Variants in CPAP observed in about 807,000 individuals in gnomAD.
CPAP encodes centrosome assembly and centriole elongation protein, also known as centrosomal P4.1-associated protein.
chr13:24,900,688 G>A, the CPAP span, among the ~76,000 whole-genome samples: 16 of 152,250 alleles, frequency 1.1e-4, no homozygotes, highest in African/African-American at 3.6e-4. Flanking sequence ...CCGTCCAAAC[G>A]CAGGCTGGCT....
the CPAP span, among the ~76,000 whole-genome samples, chr13:24,918,656 T>C: frequency 6.6e-6 from 1 of 152,332 alleles, no homozygotes; most frequent in Non-Finnish European, 1.5e-5. Context: ...AAATGAATCA[T>C]CATAAAGGTA....
the CPAP span, among the ~76,000 whole-genome samples, chr13:24,911,712 T>C: frequency 6.6e-6 from 1 of 151,584 alleles, no homozygotes; most frequent in Non-Finnish European, 1.5e-5. Context: ...CATTTTTTTT[T>C]TTTTTTTAAT....
At chr13:24,913,579 C>T in the CPAP span, among the ~76,000 whole-genome samples, 2 of 152,166 alleles carry the variant, frequency 1.3e-5, no homozygotes, top group Admixed American at 6.5e-5. Flanking sequence ...TCTCGTCTCC[C>T]TACTAACACC....
the CPAP span, among the ~76,000 whole-genome samples, chr13:24,914,452 C>T: frequency 1.3e-5 from 2 of 152,202 alleles, no homozygotes; most frequent in Non-Finnish European, 2.9e-5. Flanking sequence ...ATCTCCCAAA[C>T]ATCCGAGCCC....
the CPAP span, among the ~76,000 whole-genome samples, chr13:24,900,225 G>GC: frequency 2.0e-5 from 3 of 152,206 alleles, no homozygotes; most frequent in Non-Finnish European, 4.4e-5. Flanking sequence ...AGAAGGAGCA[G>GC]CAAGTGCCAA....
the CPAP span, chr13:24,899,568 A>G: frequency 3.7e-6 from 6 of 1,613,616 alleles, no homozygotes; most frequent in African/African-American, 8.0e-5. Context: ...TGTTGTTCGA[A>G]GTCTGCAATT....
At chr13:24,897,388 C>A in the CPAP span, among the ~76,000 whole-genome samples, 1 of 152,098 alleles carries the variant, frequency 6.6e-6, no homozygotes, top group Non-Finnish European at 1.5e-5. Flanking sequence ...TACATGAGGA[C>A]AGGGATTGAT....
chr13:24,911,964 C>G, the CPAP span: 13 of 1,614,104 alleles, frequency 8.1e-6, no homozygotes, highest in Non-Finnish European at 1.1e-5. Flanking sequence ...GTGCACTGCC[C>G]AGACACCATG....
chr13:24,904,172 A>G, the CPAP span: 111 of 1,194,974 alleles, frequency 9.3e-5, 1 homozygote, highest in East Asian at 2.3e-3. Context: ...TGCTATTAAA[A>G]TGCATTAGAA....
chr13:24,887,447 C>G, the CPAP span, among the ~76,000 whole-genome samples: 1 of 152,292 alleles, frequency 6.6e-6, no homozygotes, highest in East Asian at 1.9e-4. Context: ...CCTGTCAGAT[C>G]AGCAGTGGCA....
chr13:24,900,714 G>A, the CPAP span, among the ~76,000 whole-genome samples: 2 of 152,182 alleles, frequency 1.3e-5, no homozygotes, highest in East Asian at 1.9e-4. Context: ...TGTGTGTGAA[G>A]AGCACAGACG....
At chr13:24,895,495 G>A in the CPAP span, among the ~76,000 whole-genome samples, 2 of 152,156 alleles carry the variant, frequency 1.3e-5, no homozygotes, top group East Asian at 1.9e-4. Context: ...GGAGAATGGC[G>A]TGAAGCCGGG....
At chr13:24,892,994 G>A in the CPAP span, 17 of 740,464 alleles carry the variant, frequency 2.3e-5, no homozygotes, top group Admixed American at 1.3e-4. Flanking sequence ...GTCAACAGAC[G>A]ACATTTAAGA....
the CPAP span, among the ~76,000 whole-genome samples, chr13:24,889,958 C>A: frequency 5.3e-5 from 8 of 152,124 alleles, no homozygotes; most frequent in Non-Finnish European, 1.0e-4. Flanking sequence ...TGTCCTACCT[C>A]AGCTCCACAC....
chr13:24,895,902 C>T, the CPAP span, among the ~76,000 whole-genome samples: 1 of 152,112 alleles, frequency 6.6e-6, no homozygotes, highest in Middle Eastern at 3.2e-3. Context: ...ATAAGGGGTT[C>T]TCAATAAATT....
chr13:24,894,699 C>G, the CPAP span, among the ~76,000 whole-genome samples: 3 of 152,036 alleles, frequency 2.0e-5, no homozygotes, highest in East Asian at 5.8e-4. Context: ...GGGGGCAGAA[C>G]GCGCGGAGGA....
At chr13:24,917,405 A>G in the CPAP span, among the ~76,000 whole-genome samples, 3 of 152,346 alleles carry the variant, frequency 2.0e-5, no homozygotes, top group Non-Finnish European at 4.4e-5. Context: ...TAAAAAGTGA[A>G]TAAGTACAAA....
chr13:24,912,675 G>C, the CPAP span: 1 of 1,613,784 alleles, frequency 6.2e-7, no homozygotes, highest in South Asian at 1.1e-5. Flanking sequence ...TTTCTTCCTG[G>C]TGTCCAGGAG....
At chr13:24,931,306 C>CTTTTTTTTTTTTTTTTTTTTTTTTTTTT in the CPAP span, among the ~76,000 whole-genome samples, 15 of 72,642 alleles carry the variant, frequency 2.1e-4, no homozygotes, top group East Asian at 1.2e-3. Flanking sequence ...TTTCATGTTT[C>CTTTTTTTTTTTTTTTTTTTTTTTTTTTT]TTTTTTTTTT....
Sources: gnomAD v4.1 joint callset for allele counts (sites outside exome capture counted in the v4.1 genomes callset) on GRCh38, gnomAD v4.1.1 for gene constraint, MANE v1.5 for transcripts, NCBI Gene and HGNC (gene_info 2026-07-23, HGNC 2026-07-21) for gene names.